Variants in NPIPB2 observed in about 807,000 individuals in gnomAD.
The protein encoded by NPIPB2 is nuclear pore complex interacting protein family member B2, also known as nuclear pore complex-interacting protein family member B2.
In NPIPB2, 27 loss-of-function variants were observed where a neutral mutation model predicts 30.8. The observed-to-expected ratio is 0.88, with a 90% CI of 0.65 to 1.21. The LOEUF (loss-of-function observed/expected upper bound fraction) is 1.21, where lower values mean the gene tolerates loss of function less well. Ranked by LOEUF, NPIPB2 falls within the 50% of genes most tolerant of loss-of-function variation. The pLI is 0.00. For synonymous variants in NPIPB2, 147 were observed against 162.0 expected (o/e 0.91, Z 0.70); for missense variants, 440 against 446.2 (o/e 0.99, Z 0.13).
chr16:11,961,091 G>C (rs2055149657), intron 1 of NPIPB2, among the ~76,000 whole-genome samples: 1 of 152,056 alleles, frequency 6.6e-6, no homozygotes, highest in Admixed American at 6.6e-5. Flanking sequence ...TCAAACTCCT[G>C]ACTTCAGGTG....
upstream of NPIPB2, among the ~76,000 whole-genome samples, chr16:11,942,576 A>G (rs898304989): frequency 6.6e-6 from 1 of 152,174 alleles, no homozygotes; most frequent in Non-Finnish European, 1.5e-5. Flanking sequence ...AACCCAAATG[A>G]GGGGGAGAAA....
At chr16:11,967,523 C>G (rs755940777) in intron 1 of NPIPB2, 1 of 1,578,026 alleles carries the variant, frequency 6.3e-7, no homozygotes, top group South Asian at 1.2e-5. Context: ...CTCATGACCA[C>G]ATTCTCTGTG....
chr16:11,973,206 C>A (rs542912890), intron 1 of NPIPB2, among the ~76,000 whole-genome samples: 5 of 147,090 alleles, frequency 3.4e-5, no homozygotes, highest in Admixed American at 6.8e-5. Flanking sequence ...ATCAGTAATT[C>A]TAAAAGGGAG....
chr16:11,973,604 G>C (rs921903083), intron 1 of NPIPB2, among the ~76,000 whole-genome samples: 2 of 152,096 alleles, frequency 1.3e-5, no homozygotes, highest in Admixed American at 1.3e-4. Flanking sequence ...TTTTGTTCTT[G>C]TTGCCCAGGT....
At chr16:11,947,388 A>G (rs1340494408) in intron 1 of NPIPB2, among the ~76,000 whole-genome samples, 3 of 150,266 alleles carry the variant, frequency 2.0e-5, no homozygotes, top group Non-Finnish European at 3.0e-5. Flanking sequence ...TCTGTCGCCC[A>G]GGCTGGAGTG....
chr16:11,941,566 CG>C (rs1249977680), intron 1 of NPIPB2, among the ~76,000 whole-genome samples: 16 of 150,672 alleles, frequency 1.1e-4, no homozygotes, highest in Admixed American at 3.3e-4. Flanking sequence ...ACAGGACACG[CG>C]GGGCAAGGGA....
In NPIPB2 at chr16:11,927,380, T is replaced by A. The variant is rs2054730463; in HGVS notation, c.1187A>T (p.Gln396Leu). The A allele has an allele frequency of 6.7e-6, 6 of 899,390 alleles. No homozygotes were observed. The African/African-American group carries it at 9.8e-5, about 15-fold the overall frequency. 55.7% of individuals were successfully genotyped at this position (899,390 alleles called of 1,614,324 possible). The change falls in exon 8 of 8, where the codon CAA becomes CTA. Residue 396 changes from glutamine to leucine, a missense_variant. By Grantham distance (113) the Gln-to-Leu change is moderately radical. Coordinates refer to ENST00000399147, the Ensembl canonical transcript of NPIPB2. Reference sequence around the variant, plus strand: ...CAGTTTTATTCTTATTGCTCAGGCTTGAGTGCAATGGCCTGTTCTCAGCTT... The same window carrying A: ...CAGTTTTATTCTTATTGCTCAGGCTAGAGTGCAATGGCCTGTTCTCAGCTT...
chr16:11,927,600 G>C lies in NPIPB2; in HGVS notation c.967C>G (p.Pro323Ala), dbSNP rs200146217. The C allele has an allele frequency of 7.5e-6, 12 of 1,606,972 alleles. No homozygotes were observed. The African/African-American group carries it at 1.6e-4, about 22-fold the overall frequency. The change falls in exon 8 of 8, where the codon CCT becomes GCT. Residue 323 changes from proline (P) to alanine (A), a missense_variant. By Grantham distance (27) the Pro-to-Ala change is conservative. Transcript: ENST00000399147. ...TCAGCCTCCTGAGTAGCTAAGGGAG[G>C]TGTCTTGAGATTATCATCCGCTGAG... is the stretch of plus-strand genomic sequence containing the variant.
rs967754713 is a variant in NPIPB2, at chr16:11,939,387, C to A, written c.64-1719G>T. Among the ~76,000 whole-genome samples, 290 of 151,122 alleles carry A rather than the reference C, an allele frequency of 1.9e-3. 1 individual carries two copies. Among genetic ancestry groups the A allele is most frequent in the Non-Finnish European group, 3.1e-3 (213 of 67,716 alleles). On this transcript the variant is annotated intron_variant, in intron 1 of 7. Coordinates refer to ENST00000399147, the Ensembl canonical transcript of NPIPB2. ...CCATCCTAGCTAACACGGTGAAACC[C>A]ATCTCTACTAAAAATACAAAAAATT...
chr16:11,939,014 G>C (rs1357402605), intron 1 of NPIPB2, among the ~76,000 whole-genome samples: 1 of 152,066 alleles, frequency 6.6e-6, no homozygotes, highest in East Asian at 1.9e-4. Flanking sequence ...CCAAAGTGCT[G>C]GGAATACAGG....
upstream of NPIPB2, chr16:11,942,191 T>G (rs2150919768): frequency 9.3e-7 from 1 of 1,080,964 alleles, no homozygotes; most frequent in East Asian, 2.6e-5. Context: ...CCTGACTTAT[T>G]TTGTTCCAGC....
intron 1 of NPIPB2, among the ~76,000 whole-genome samples, chr16:11,962,630 CCA>C (rs1338992949): frequency 6.9e-6 from 1 of 144,020 alleles, no homozygotes; most frequent in African/African-American, 2.6e-5. Context: ...AAAAAAAAAA[CCA>C]AAAAAAAAGA....
intron 2 of NPIPB2, 88 bp from the exon 3 acceptor site, chr16:11,934,012 C>T: frequency 9.6e-7 from 1 of 1,044,528 alleles, no homozygotes; most frequent in Non-Finnish European, 1.4e-6. Context: ...GCAGGTGGAT[C>T]ACGGGGTCAG....
At chr16:11,958,772 T>C (rs1021591487) in intron 1 of NPIPB2, among the ~76,000 whole-genome samples, 1 of 151,780 alleles carries the variant, frequency 6.6e-6, no homozygotes, top group Non-Finnish European at 1.5e-5. Flanking sequence ...AGCCTGTAGG[T>C]TGAAAATATT....
upstream of NPIPB2, among the ~76,000 whole-genome samples, chr16:11,944,166 C>G (rs2150921346): frequency 6.6e-6 from 1 of 150,696 alleles, no homozygotes; most frequent in East Asian, 2.0e-4. Flanking sequence ...AGATGATAAA[C>G]TGGATTTTTT....
intron 1 of NPIPB2, chr16:11,965,088 CCT>C (rs1596506520): frequency 1.8e-6 from 1 of 541,198 alleles, no homozygotes; most frequent in South Asian, 2.6e-5. Flanking sequence ...ATATTTACAC[CCT>C]GTCTCTTACC....
intron 1 of NPIPB2, among the ~76,000 whole-genome samples, chr16:11,974,950 C>A (rs1016561867): frequency 6.6e-6 from 1 of 151,480 alleles, no homozygotes; most frequent in African/African-American, 2.4e-5. Context: ...TGGCAGGAGC[C>A]TGTAGTCCCA....
At chr16:11,927,831 A>C in exon 8 of NPIPB2, 1 of 1,375,728 alleles carries the variant, frequency 7.3e-7, no homozygotes, top group Non-Finnish European at 9.9e-7. Flanking sequence ...AGGTAGGGCC[A>C]GTAGGGCAAT....
At chr16:11,950,450 C>A (rs1030817229) in intron 1 of NPIPB2, among the ~76,000 whole-genome samples, 1 of 152,138 alleles carries the variant, frequency 6.6e-6, no homozygotes, top group South Asian at 2.1e-4. Context: ...GGTTATAGGC[C>A]TGAACCACCA....
Sources: gnomAD v4.1 joint callset for allele counts (sites outside exome capture counted in the v4.1 genomes callset) on GRCh38, gnomAD v4.1.1 for gene constraint, MANE v1.5 for transcripts, NCBI Gene and HGNC (gene_info 2026-07-23, HGNC 2026-07-21) for gene names.